Variants in MAPK8 observed in about 807,000 individuals in gnomAD.
The protein encoded by MAPK8 is mitogen-activated protein kinase 8, also known as JUN N-terminal kinase.
In MAPK8, 13 loss-of-function variants were observed where a neutral mutation model predicts 52.9. That is an observed-to-expected ratio of 0.25 (90% CI 0.16 to 0.39). MAPK8 has a LOEUF of 0.39. Among genes scored for constraint, MAPK8 ranks in the 10% least tolerant of loss-of-function variants. The pLI is 1.00. For missense variants in MAPK8, 300 were observed against 519.2 expected, an observed-to-expected ratio of 0.58 and a Z score of 4.10; for synonymous variants, 191 against 169.8, an observed-to-expected ratio of 1.12 and a Z score of -0.97.
In MAPK8 at chr10:48,426,081, C is replaced by A. The variant is rs2043661741; in HGVS notation, c.871+11C>A. ...ACAACAAACTTAAAGGTACTTTTTA[C>A]AAATATGTACATTTAATCCCATTTG... On this transcript the variant is annotated intron_variant, in intron 8 of 11. Coordinates refer to ENST00000374189, the MANE Select transcript of MAPK8 (RefSeq NM_001323329.2). 6.3e-7 allele frequency: 1 copy of A among 1,598,324 alleles called. No individual in the cohort carries two copies. Among genetic ancestry groups the A allele is most frequent in the Non-Finnish European group, 8.5e-7 (1 of 1,170,770 alleles).
At chr10:48,395,337 C>G (rs2041833580) in intron 1 of MAPK8, among the ~76,000 whole-genome samples, 1 of 151,958 alleles carries the variant, frequency 6.6e-6, no homozygotes, top group Non-Finnish European at 1.5e-5. Context: ...GAAAATAGTT[C>G]AGAAATAGGC....
chr10:48,356,286 A>G (rs989216573), intron 1 of MAPK8, among the ~76,000 whole-genome samples: 1 of 152,222 alleles, frequency 6.6e-6, no homozygotes, highest in Non-Finnish European at 1.5e-5. Flanking sequence ...GTAAAGACAC[A>G]TAACTTTTCA....
At chr10:48,387,236 A>G (rs1314486291) in intron 1 of MAPK8, among the ~76,000 whole-genome samples, 1 of 152,112 alleles carries the variant, frequency 6.6e-6, no homozygotes, top group Non-Finnish European at 1.5e-5. Context: ...AAGAACAGTT[A>G]AGTGGCCAGG....
In MAPK8 at chr10:48,401,535, C is replaced by G. The variant is rs3730154; in HGVS notation, c.-49-77C>G. The G allele has an allele frequency of 9.0e-6, 8 of 890,468 alleles. No individual in the cohort carries two copies. The highest frequency in any genetic ancestry group is 1.7e-5 in the South Asian group (1 of 60,372). The allele number at this position is 890,468 out of a possible 1,614,324, so 55.2% of individuals were successfully genotyped here. A position where few individuals can be genotyped will look rare whatever the true frequency, so the allele number is the denominator to read the frequency against. On this transcript the variant is annotated intron_variant, in intron 1 of 11. Transcript: ENST00000374189. Reference sequence around the variant, plus strand: ...CTAGCAGTCTGTGTTACTATCAGTACGTAAACAGTAAGGACTCAAATTTTA... The same window carrying G: ...CTAGCAGTCTGTGTTACTATCAGTAGGTAAACAGTAAGGACTCAAATTTTA...
At chr10:48,397,511 G>A (rs761309202) in intron 1 of MAPK8, among the ~76,000 whole-genome samples, 1 of 152,158 alleles carries the variant, frequency 6.6e-6, no homozygotes, top group African/African-American at 2.4e-5. Flanking sequence ...AGTAGTTGCC[G>A]CAGGTAGACT....
In MAPK8 at chr10:48,339,057, A is replaced by AT. The variant is rs551292010; in HGVS notation, c.-50+32244dup. On this transcript the variant is annotated intron_variant, in intron 1 of 11. Transcript: ENST00000374189. Reference sequence around the variant, plus strand: ...TAATTCCTATCAAATTACCAATGTGATTTTTTTTCACAGAATTAGAAAAGA... The same window carrying AT: ...TAATTCCTATCAAATTACCAATGTGATTTTTTTTTCACAGAATTAGAAAAGA... Among the ~76,000 whole-genome samples, 6 of 152,030 alleles carry AT rather than the reference A, an allele frequency of 3.9e-5. No homozygotes were observed. In the South Asian group the frequency reaches 8.3e-4, roughly 21 times the overall value.
intron 5 of MAPK8, 153 bp downstream of exon 5, chr10:48,410,321 C>G: frequency 1.9e-6 from 1 of 516,260 alleles, no homozygotes; most frequent in South Asian, 7.8e-5. Flanking sequence ...TTCATTACCC[C>G]CAAAAAAGTC....
At chr10:48,324,502 A>ATTTTTTTTT (rs1554810394) in intron 1 of MAPK8, among the ~76,000 whole-genome samples, 2 of 54,358 alleles carry the variant, frequency 3.7e-5, no homozygotes, top group African/African-American at 3.0e-4. Flanking sequence ...CCTGTTTTCT[A>ATTTTTTTTT]GTTTTTTTTT....
intron 1 of MAPK8, among the ~76,000 whole-genome samples, chr10:48,374,722 G>T (rs953360989): frequency 2.6e-5 from 4 of 152,202 alleles, no homozygotes; most frequent in African/African-American, 9.6e-5. Context: ...CCAATAACAA[G>T]TTCTGAAATT....
In MAPK8 at chr10:48,436,465, C is replaced by G. The variant is rs972797749; in HGVS notation, c.*1436C>G. ...ATACGTTGTCTGTAATAGACCCAGG[C>G]ACCTTTTAAATTATCTCTGGAACAA... On this transcript the variant is annotated 3_prime_UTR_variant, in exon 12 of 12. Transcript: ENST00000374189. The G allele has an allele frequency of 3.3e-5, 5 of 152,142 alleles. No individual in the cohort carries two copies. The highest frequency in any genetic ancestry group is 5.9e-5 in the Non-Finnish European group (4 of 68,040). The allele number at this position is 152,142 out of a possible 1,614,324, so 9.4% of individuals were successfully genotyped here.
chr10:48,309,392 G>A (rs79159039), intron 1 of MAPK8, among the ~76,000 whole-genome samples: 1,691 of 152,170 alleles, frequency 0.011, 36 homozygotes, highest in African/African-American at 0.039. Context: ...GATTCTGTTA[G>A]TAAATATATT....
intron 5 of MAPK8, among the ~76,000 whole-genome samples, chr10:48,417,419 G>A (rs2043123229): frequency 6.6e-6 from 1 of 152,102 alleles, no homozygotes; most frequent in Admixed American, 6.6e-5. Flanking sequence ...TCCCTGAAAG[G>A]GTTTCATAAT....
rs558218369 is a variant in MAPK8, at chr10:48,394,831, ATGAATAAGTGAGTCTATTACAAAATCAT to A, written c.-49-6779_-49-6752del. Among the ~76,000 whole-genome samples, 1,074 of 152,060 alleles carry A rather than the reference ATGAATAAGTGAGTCTATTACAAAATCAT, an allele frequency of 7.1e-3. 9 individuals are homozygous for A. Among genetic ancestry groups the A allele is most frequent in the African/African-American group, 0.025 (1,031 of 41,558 alleles). ...CAATACACAAAAAAAGCCTACTAAG[ATGAATAAGTGAGTCTATTACAAAATCAT>A]TATACAGAAATTCATTGCATTTCTA... On this transcript the variant is annotated intron_variant, in intron 1 of 11. Coordinates refer to ENST00000374189, the MANE Select transcript of MAPK8 (RefSeq NM_001323329.2).
At chr10:48,349,395 G>T (rs1846090599) in intron 1 of MAPK8, among the ~76,000 whole-genome samples, 4 of 152,120 alleles carry the variant, frequency 2.6e-5, no homozygotes, top group Admixed American at 2.6e-4. Flanking sequence ...CTCAGCAAAT[G>T]CAAAAGAGCA....
At chr10:48,417,222 AACTC>A (rs777975710) in intron 5 of MAPK8, among the ~76,000 whole-genome samples, 1 of 152,228 alleles carries the variant, frequency 6.6e-6, no homozygotes, top group Non-Finnish European at 1.5e-5. Flanking sequence ...ACAGTTAACT[AACTC>A]TTTCAGAAAT....
intron 1 of MAPK8, among the ~76,000 whole-genome samples, chr10:48,354,164 A>G: frequency 6.6e-6 from 1 of 152,052 alleles, no homozygotes; most frequent in African/African-American, 2.4e-5. Context: ...TTAAAAAAAA[A>G]TTTTTTTAAA....
At chr10:48,334,918 G>C (rs1296939165) in intron 1 of MAPK8, among the ~76,000 whole-genome samples, 1 of 152,118 alleles carries the variant, frequency 6.6e-6, no homozygotes, top group Non-Finnish European at 1.5e-5. Flanking sequence ...CGAGTACTAT[G>C]GGGTTACAAT....
intron 1 of MAPK8, among the ~76,000 whole-genome samples, chr10:48,380,794 C>T (rs1188816614): frequency 6.6e-6 from 1 of 152,106 alleles, no homozygotes; most frequent in Admixed American, 6.6e-5. Context: ...GTTTGAAATG[C>T]TCAGTGTTAA....
chr10:48,358,022 T>C (rs1213374080), intron 1 of MAPK8, among the ~76,000 whole-genome samples: 3 of 152,232 alleles, frequency 2.0e-5, no homozygotes, highest in African/African-American at 7.2e-5. Context: ...CAGGTATCAG[T>C]ACTTTGTTTC....
Sources: gnomAD v4.1 joint callset for allele counts (sites outside exome capture counted in the v4.1 genomes callset) on GRCh38, gnomAD v4.1.1 for gene constraint, MANE v1.5 for transcripts, NCBI Gene and HGNC (gene_info 2026-07-23, HGNC 2026-07-21) for gene names.